Variants in ITIH6 observed in about 807,000 individuals in gnomAD.
ITIH6 encodes the protein inter-alpha-trypsin inhibitor heavy chain family member 6.
ITIH6 carries 60 observed loss-of-function variants against 58.2 expected under a neutral mutation model. The observed-to-expected ratio is 1.03, with a 90% CI of 0.84 to 1.28. The LOEUF is 1.28. Among genes scored for constraint, ITIH6 ranks in the 50% most tolerant of loss-of-function variants. The pLI, the probability that ITIH6 is intolerant of heterozygous loss-of-function variation, is 0.00. For missense variants in ITIH6, 1,290 were observed against 1,021.1 expected, an observed-to-expected ratio of 1.26 and a Z score of -3.59; for synonymous variants, 493 against 417.4, an observed-to-expected ratio of 1.18 and a Z score of -2.21.
chrX:54,774,413 C>T (rs1268299605), intron 5 of ITIH6, among the ~76,000 whole-genome samples: 1 of 112,885 alleles, frequency 8.9e-6, no homozygotes, highest in Non-Finnish European at 1.9e-5. Flanking sequence ...CGGGGCCTGC[C>T]CCAGAGCTGT....
At chrX:54,761,732 A>C (rs76993043) in intron 6 of ITIH6, among the ~76,000 whole-genome samples, 1 of 111,051 alleles carries the variant, frequency 9.0e-6, no homozygotes, top group African/African-American at 3.3e-5. Flanking sequence ...AGGTTTGTCA[A>C]AGATCAGATG....
intron 4 of ITIH6, 140 bp downstream of exon 4, chrX:54,790,697 C>A: frequency 1.3e-6 from 1 of 779,101 alleles, no homozygotes; most frequent in Non-Finnish European, 1.9e-6. Flanking sequence ...TCAAACATGC[C>A]CTCTTCTCAC....
At chrX:54,796,830 C>T in intron 2 of ITIH6, 112 bp downstream of exon 2, 4 of 759,214 alleles carry the variant, frequency 5.3e-6, no homozygotes, top group Non-Finnish European at 7.5e-6. Context: ...CTCAAGAAGT[C>T]TGATCTCAGA....
Position 54,758,978 on chromosome X carries a change from G to A in ITIH6, c.1096C>T (p.Leu366=). 8.5e-7 allele frequency: 1 copy of A among 1,172,086 alleles called. No individual in the cohort carries two copies. The highest frequency in any genetic ancestry group is 1.1e-6 in the Non-Finnish European group (1 of 873,255). The change falls in exon 8 of 13, where the codon CTG becomes TTG. Residue 366 remains leucine, a synonymous_variant. Transcript: ENST00000218436. ...ADGWTDVNSA[L]LAAASVLNHS... ...TTCAGCACTGAAGCAGCTGCCAGCA[G>A]AGCTGAGTTGACGTCTGTCCCTAAT...
intron 2 of ITIH6, among the ~76,000 whole-genome samples, chrX:54,792,351 C>G (rs1929365561): frequency 1.8e-5 from 2 of 111,565 alleles, no homozygotes; most frequent in South Asian, 7.5e-4. Flanking sequence ...CCTTTTGGCA[C>G]ACAGCATAAT....
intron 6 of ITIH6, among the ~76,000 whole-genome samples, chrX:54,760,663 C>A (rs997595310): frequency 9.0e-6 from 1 of 111,170 alleles, no homozygotes; most frequent in Non-Finnish European, 1.9e-5. Context: ...GTTCAATTCC[C>A]ACCTATGAGT....
In ITIH6 at chrX:54,788,335, G is replaced by A. The variant is rs759118617; in HGVS notation, c.786+145C>T. Reference sequence around the variant, plus strand: ...TGATGTGCCTCCCAAAGTTGAAGCCGTGTGTCTTTTCACGTCAGCCTATCC... The same window carrying A: ...TGATGTGCCTCCCAAAGTTGAAGCCATGTGTCTTTTCACGTCAGCCTATCC... On this transcript the variant is annotated intron_variant, in intron 5 of 12. Coordinates refer to ENST00000218436, the MANE Select transcript of ITIH6 (RefSeq NM_198510.3). 1.7e-4 allele frequency: 79 copies of A among 475,805 alleles called. No individual in the cohort carries two copies. In the African/African-American group the frequency reaches 1.8e-3, roughly 11 times the overall value. 39.2% of individuals were successfully genotyped at this position (475,805 alleles called of 1,213,427 possible).
intron 5 of ITIH6, among the ~76,000 whole-genome samples, chrX:54,776,787 A>G (rs1433791975): frequency 9.0e-6 from 1 of 111,596 alleles, no homozygotes; most frequent in Admixed American, 9.5e-5. Context: ...CTGAATAACC[A>G]GCAATAATGC....
chrX:54,795,647 T>C (rs1332583644), intron 2 of ITIH6, among the ~76,000 whole-genome samples: 3 of 111,712 alleles, frequency 2.7e-5, no homozygotes, highest in Non-Finnish European at 3.8e-5. Flanking sequence ...CCTTTATTCC[T>C]TTTTCCTGGA....
intron 6 of ITIH6, among the ~76,000 whole-genome samples, chrX:54,771,685 C>A (rs1407559531): frequency 8.9e-6 from 1 of 111,746 alleles, no homozygotes; most frequent in African/African-American, 3.3e-5. Context: ...AGGACATGAA[C>A]AGATACTTCT....
chrX:54,763,836 T>C (rs1169821588), intron 6 of ITIH6, among the ~76,000 whole-genome samples: 1 of 112,343 alleles, frequency 8.9e-6, no homozygotes, highest in Non-Finnish European at 1.9e-5. Context: ...TTTTACTTCA[T>C]ATATTTTGGT....
At chrX:54,751,721 G>A (rs760163650) in intron 11 of ITIH6, among the ~76,000 whole-genome samples, 17 of 111,905 alleles carry the variant, frequency 1.5e-4, no homozygotes, top group Admixed American at 9.4e-4. Context: ...GTTAGAGTGC[G>A]TATTTTTGCT....
chrX:54,750,055 C>A lies in ITIH6; in HGVS notation c.3782G>T (p.Cys1261Phe). Reference sequence around the variant, plus strand: ...ATCTGGGCCATGGTGCCTTCGTAAGCATGGCCCCATAGGTCCTGTCACCAG... The same window carrying A: ...ATCTGGGCCATGGTGCCTTCGTAAGAATGGCCCCATAGGTCCTGTCACCAG... Reference protein sequence around the residue: ...IRLVTGPMGPCLRRHHGPDVP... With the variant: ...IRLVTGPMGPFLRRHHGPDVP... Residue 1261 changes from cysteine to phenylalanine, a missense_variant, in exon 13 of 13, where the codon TGC becomes TTC. Cys to Phe is a radical substitution (Grantham distance 205). Coordinates refer to ENST00000218436, the MANE Select transcript of ITIH6 (RefSeq NM_198510.3). The A allele has an allele frequency of 8.3e-7, 1 of 1,211,261 alleles. No homozygotes were observed. The highest frequency in any genetic ancestry group is 1.8e-5 in the South Asian group (1 of 56,871).
At chrX:54,796,525 G>A (rs752470970) in intron 2 of ITIH6, among the ~76,000 whole-genome samples, 24 of 109,147 alleles carry the variant, frequency 2.2e-4, no homozygotes, top group African/African-American at 1.3e-4. Flanking sequence ...TCTACTAAAA[G>A]TACAAAAAAT....
At chrX:54,780,710 A>G (rs1490110717) in intron 5 of ITIH6, among the ~76,000 whole-genome samples, 1 of 111,314 alleles carries the variant, frequency 9.0e-6, no homozygotes, top group Non-Finnish European at 1.9e-5. Flanking sequence ...CAATAAAAAG[A>G]TCAAGGAAAC....
rs945936029 is a variant in ITIH6, at chrX:54,751,046, C to T, written c.3687G>A (p.Val1229=). Residue 1229 remains valine, a synonymous_variant, in exon 12 of 13, where the codon GTG becomes GTA. Transcript: ENST00000218436. ...TLQLPHLGFY[V]ANGSGLSPSA... ...AGGGGCTGAGGCCTGAGCCATTGGC[C>T]ACGTAGAACCCCAGGTGGGGTAGTT... 42 of 1,184,616 alleles carry T rather than the reference C, an allele frequency of 3.5e-5. No homozygotes were observed. The highest frequency in any genetic ancestry group is 4.5e-5 in the Non-Finnish European group (40 of 882,437).
chrX:54,760,309 G>A (rs1384446153), intron 6 of ITIH6, among the ~76,000 whole-genome samples: 6 of 111,478 alleles, frequency 5.4e-5, no homozygotes. Context: ...CATCACGAAA[G>A]TCATATTGGA....
chrX:54,794,766 T>G (rs1352887828), intron 2 of ITIH6, among the ~76,000 whole-genome samples: 1 of 110,738 alleles, frequency 9.0e-6, no homozygotes, highest in Non-Finnish European at 1.9e-5. Context: ...TGAACAAGGG[T>G]GGATATTCTG....
intron 2 of ITIH6, among the ~76,000 whole-genome samples, chrX:54,793,982 G>A (rs1229920378): frequency 8.9e-6 from 1 of 111,907 alleles, no homozygotes; most frequent in South Asian, 3.8e-4. Flanking sequence ...AAGTACAACA[G>A]TTTCCATTTT....
Sources: gnomAD v4.1 joint callset for allele counts (sites outside exome capture counted in the v4.1 genomes callset) on GRCh38, gnomAD v4.1.1 for gene constraint, MANE v1.5 for transcripts, NCBI Gene and HGNC (gene_info 2026-07-23, HGNC 2026-07-21) for gene names.